The following MAD1L1 variants were observed in gnomAD, a reference collection of about 807,000 sequenced individuals.
The protein encoded by MAD1L1 is mitotic arrest deficient 1 like 1.
In MAD1L1, 95 loss-of-function variants were observed where a neutral mutation model predicts 96.9. The observed-to-expected ratio is 0.98, with a 90% confidence interval of 0.83 to 1.16. The LOEUF is 1.16. Ranked by LOEUF, MAD1L1 falls within the 50% of genes most tolerant of loss-of-function variation. MAD1L1 has a pLI of 0.00. For missense variants in MAD1L1, 1,007 were observed against 954.4 expected (o/e 1.06, Z -0.73); for synonymous variants, 473 against 396.6 (o/e 1.19, Z -2.29).
At position 2,225,417 on chromosome 7, in the gene MAD1L1, T is replaced by C; in HGVS notation, c.284A>G (p.Asn95Ser). The change falls in exon 4 of 19, where the codon AAC becomes AGC. Residue 95 changes from asparagine (N) to serine (S), a missense_variant. Physicochemically the swap from Asn to Ser is conservative, Grantham distance 46 (BLOSUM62 1). Transcript: ENST00000265854. ...LERAASTSAR[N>S]YEREVDRNQE... Reference sequence around the variant, plus strand: ...CGCCCCGCCTGAACCCACCTCGTAGTTCCTGGCACTGGTGCTGGCTGCTCT... The same window carrying C: ...CGCCCCGCCTGAACCCACCTCGTAGCTCCTGGCACTGGTGCTGGCTGCTCT... 1.2e-6 allele frequency: 2 copies of C among 1,612,890 alleles called. No individual in the cohort carries two copies. The highest frequency in any genetic ancestry group is 1.7e-6 in the Non-Finnish European group (2 of 1,179,996).
intron 16 of MAD1L1, 50 bp from the exon 17 acceptor site, chr7:1,936,947 G>T: frequency 6.9e-7 from 1 of 1,449,792 alleles, no homozygotes. Flanking sequence ...CACACACGCA[G>T]CACGGGTCAC....
intron 15 of MAD1L1, among the ~76,000 whole-genome samples, chr7:1,976,939 G>C (rs528872593): frequency 6.6e-6 from 1 of 152,204 alleles, no homozygotes; most frequent in South Asian, 2.1e-4. Context: ...TGACTGGTGC[G>C]TTTACAAACC....
At chr7:1,932,307 T>C (rs1789526294) in intron 17 of MAD1L1, among the ~76,000 whole-genome samples, 1 of 152,212 alleles carries the variant, frequency 6.6e-6, no homozygotes, top group Admixed American at 6.5e-5. Flanking sequence ...GAGGCCTCCT[T>C]CTCTGCTTCC....
At chr7:1,819,129 G>A (rs1210286361) in intron 18 of MAD1L1, among the ~76,000 whole-genome samples, 6 of 152,142 alleles carry the variant, frequency 3.9e-5, no homozygotes, top group Non-Finnish European at 5.9e-5. Context: ...TCAGCCCTCT[G>A]CCATGTTCAA....
At chr7:1,952,889 C>T (rs531823538) in intron 16 of MAD1L1, among the ~76,000 whole-genome samples, 8 of 152,326 alleles carry the variant, frequency 5.3e-5, no homozygotes, top group Middle Eastern at 3.4e-3. Context: ...GTCCAGCGAG[C>T]GGGAGAGGCC....
chr7:2,143,247 C>T (rs918608116), intron 11 of MAD1L1, among the ~76,000 whole-genome samples: 6 of 151,476 alleles, frequency 4.0e-5, no homozygotes, highest in African/African-American at 9.7e-5. Flanking sequence ...AAACACAGGC[C>T]CCAGGAACCT....
At chr7:2,226,174 T>C (rs1038059245) in intron 3 of MAD1L1, among the ~76,000 whole-genome samples, 9 of 152,194 alleles carry the variant, frequency 5.9e-5, no homozygotes, top group African/African-American at 1.9e-4. Context: ...AGGGAGTGGA[T>C]CAAGCCCACC....
At chr7:1,891,465 G>A (rs963107749) in intron 18 of MAD1L1, among the ~76,000 whole-genome samples, 23 of 152,156 alleles carry the variant, frequency 1.5e-4, no homozygotes, top group Non-Finnish European at 2.5e-4. Flanking sequence ...GGCAGAGGTT[G>A]CAGTGAGCCG....
At chr7:2,000,621 G>A (rs890396764) in intron 14 of MAD1L1, among the ~76,000 whole-genome samples, 3 of 152,238 alleles carry the variant, frequency 2.0e-5, no homozygotes, top group Non-Finnish European at 4.4e-5. Context: ...TCCTCCATTC[G>A]CCACCACCGG....
intron 15 of MAD1L1, among the ~76,000 whole-genome samples, chr7:1,961,759 G>T (rs1779958579): frequency 1.3e-5 from 2 of 152,128 alleles, no homozygotes; most frequent in African/African-American, 4.8e-5. Context: ...TATGGTGGGA[G>T]ATAATGAATC....
At chr7:1,990,623 G>A (rs1025482604) in intron 14 of MAD1L1, among the ~76,000 whole-genome samples, 10 of 152,394 alleles carry the variant, frequency 6.6e-5, no homozygotes, top group African/African-American at 2.2e-4. Context: ...CCGCCCCTGG[G>A]ATGAGGCCGC....
At chr7:2,132,389 A>C (rs1490121792) in intron 11 of MAD1L1, among the ~76,000 whole-genome samples, 1 of 137,980 alleles carries the variant, frequency 7.2e-6, no homozygotes, top group African/African-American at 2.6e-5. Context: ...CCGCGCGTCC[A>C]CCATCACGGC....
chr7:1,818,268 T>C lies in MAD1L1; in HGVS notation c.1999-2040A>G, dbSNP rs555609710. Among the ~76,000 whole-genome samples, 89 of 152,260 alleles carry C rather than the reference T, an allele frequency of 5.8e-4. 1 individual carries two copies. Among genetic ancestry groups the C allele is most frequent in the African/African-American group, 2.1e-3 (87 of 41,574 alleles). On this transcript the variant is annotated intron_variant, in intron 18 of 18. Coordinates refer to ENST00000265854, the MANE Select transcript of MAD1L1 (RefSeq NM_001013836.2). ...CCAGGGCTGGCAACCTGGCTGGGCC[T>C]GACGCACTGTGGTGCAGACTCTGGC...
chr7:1,838,790 A>G (rs1783072757), intron 18 of MAD1L1: 1 of 471,136 alleles, frequency 2.1e-6, no homozygotes, highest in Non-Finnish European at 4.4e-6. Flanking sequence ...CTGCTTCATG[A>G]GAAAGGCCCA....
At chr7:2,043,340 C>A (rs1783776489) in intron 12 of MAD1L1, among the ~76,000 whole-genome samples, 1 of 152,234 alleles carries the variant, frequency 6.6e-6, no homozygotes, top group East Asian at 1.9e-4. Context: ...AGACACCCCT[C>A]ATCCTCGGTG....
Position 2,119,369 on chromosome 7 carries a change from A to G in MAD1L1, c.1073+29783T>C, listed in dbSNP as rs945447651. 1.1e-4 allele frequency among the ~76,000 whole-genome samples: 16 copies of G among 151,944 alleles called. No homozygotes were observed. Among genetic ancestry groups the G allele is most frequent in the Non-Finnish European group, 1.6e-4 (11 of 67,994 alleles). On this transcript the variant is annotated intron_variant, in intron 11 of 18. Coordinates refer to ENST00000265854, the MANE Select transcript of MAD1L1 (RefSeq NM_001013836.2). This position sits in a 1 kb window ranked among gnomAD's most constrained non-coding sequence, Gnocchi z 4.6. ...CCCACCCTTTCTGACAGTGGCCCAC[A>G]TGGTTTAGGACGGGGTGAGAGTCCT...
At chr7:2,006,698 C>G (rs1218724349) in intron 13 of MAD1L1, among the ~76,000 whole-genome samples, 1 of 152,072 alleles carries the variant, frequency 6.6e-6, no homozygotes, top group Non-Finnish European at 1.5e-5. Context: ...ACTAAACCCG[C>G]ACGGCCCAGC....
intron 18 of MAD1L1, among the ~76,000 whole-genome samples, chr7:1,878,730 G>T (rs1221450648): frequency 1.9e-5 from 2 of 103,322 alleles, no homozygotes; most frequent in Admixed American, 1.1e-4. Context: ...AGGTAAAAAT[G>T]TCCCCCCCCC....
chr7:1,920,619 TA>T (rs1252995657), intron 17 of MAD1L1, among the ~76,000 whole-genome samples: 2 of 151,636 alleles, frequency 1.3e-5, no homozygotes, highest in African/African-American at 4.9e-5. Context: ...ATGGAAGGAG[TA>T]AGACCTCACG....
Sources: gnomAD v4.1 joint callset for allele counts (sites outside exome capture counted in the v4.1 genomes callset) on GRCh38, gnomAD v4.1.1 for gene constraint, Gnocchi (gnomAD v3.1) non-coding constraint, MANE v1.5 for transcripts, NCBI Gene and HGNC (gene_info 2026-07-23, HGNC 2026-07-21) for gene names.